UEVLD: variants seen among roughly 807,000 people sequenced by gnomAD.
UEVLD encodes the protein UEV and lactate/malate dehyrogenase domains.
Under a neutral mutation model 58.6 loss-of-function variants are expected in UEVLD, and 47 were observed. The ratio of observed to expected loss-of-function variants is 0.80; its 90% CI spans 0.63 to 1.02. The LOEUF is 1.02. Among genes scored for constraint, UEVLD ranks in the 50% least tolerant of loss-of-function variants. UEVLD has a pLI of 0.00. For missense variants in UEVLD, 510 were observed against 550.6 expected (o/e 0.93, Z 0.74); for synonymous variants, 197 against 195.3 (o/e 1.01, Z -0.07).
At chr11:18,583,209 CCATTGTGCCCAGCT>C (rs1321556981) in intron 1 of UEVLD, among the ~76,000 whole-genome samples, 1 of 137,556 alleles carries the variant, frequency 7.3e-6, no homozygotes, top group Non-Finnish European at 1.5e-5. Context: ...CAGGCGTGAG[CCATTGTGCCCAGCT>C]TTTTTTTTTT....
intron 1 of UEVLD, among the ~76,000 whole-genome samples, chr11:18,584,183 C>T (rs1853416335): frequency 6.6e-6 from 1 of 152,038 alleles, no homozygotes; most frequent in Admixed American, 6.6e-5. Flanking sequence ...GTTTTGAGAC[C>T]AGCCTGGGCA....
At chr11:18,583,370 G>A (rs913889901) in intron 1 of UEVLD, among the ~76,000 whole-genome samples, 11 of 150,938 alleles carry the variant, frequency 7.3e-5, no homozygotes, top group East Asian at 2.0e-4. Flanking sequence ...ACAGGCACCC[G>A]CCACCATGTC....
At chr11:18,540,083 C>T (rs1850990592) in intron 9 of UEVLD, among the ~76,000 whole-genome samples, 1 of 152,152 alleles carries the variant, frequency 6.6e-6, no homozygotes, top group Non-Finnish European at 1.5e-5. Context: ...TGCTGTGTGC[C>T]AGATACTGTA....
intron 9 of UEVLD, among the ~76,000 whole-genome samples, chr11:18,537,556 C>T (rs1236175650): frequency 6.6e-6 from 1 of 151,570 alleles, no homozygotes; most frequent in Non-Finnish European, 1.5e-5. Context: ...GTCTCGAACT[C>T]CTGACCTCAG....
intron 1 of UEVLD, among the ~76,000 whole-genome samples, chr11:18,582,671 G>A (rs1378003096): frequency 6.6e-6 from 1 of 151,952 alleles, no homozygotes; most frequent in Non-Finnish European, 1.5e-5. Context: ...TATCTTCTTA[G>A]TGTAATATTA....
chr11:18,577,498 A>G (rs1852978432), intron 2 of UEVLD, among the ~76,000 whole-genome samples: 1 of 152,230 alleles, frequency 6.6e-6, no homozygotes, highest in Admixed American at 6.5e-5. Flanking sequence ...TACAGGAAAC[A>G]CTATCTCTGG....
chr11:18,573,840 C>T (rs999832654), intron 3 of UEVLD, among the ~76,000 whole-genome samples: 4 of 152,074 alleles, frequency 2.6e-5, no homozygotes, highest in African/African-American at 4.8e-5. Context: ...AAAAGAAGTC[C>T]CCGCAAATGC....
At chr11:18,562,074 G>A (rs936833062) in intron 6 of UEVLD, among the ~76,000 whole-genome samples, 14 of 152,144 alleles carry the variant, frequency 9.2e-5, no homozygotes, top group African/African-American at 3.1e-4. Context: ...AAATATTAAC[G>A]TCTAAAAAGA....
intron 7 of UEVLD, among the ~76,000 whole-genome samples, chr11:18,556,005 C>A (rs544752967): frequency 6.6e-6 from 1 of 152,210 alleles, no homozygotes; most frequent in Admixed American, 6.5e-5. Flanking sequence ...GAAAGTTACC[C>A]CAAGATGATA....
chr11:18,560,601 C>T (rs911166575), intron 6 of UEVLD, among the ~76,000 whole-genome samples: 8 of 152,078 alleles, frequency 5.3e-5, no homozygotes, highest in Non-Finnish European at 8.8e-5. Context: ...AACAACAAAA[C>T]GTTCATCAGT....
At chr11:18,576,570 T>G (rs957041750) in intron 2 of UEVLD, among the ~76,000 whole-genome samples, 3 of 151,940 alleles carry the variant, frequency 2.0e-5, no homozygotes, top group Non-Finnish European at 4.4e-5. Flanking sequence ...AAAATAAAAA[T>G]TATGGTTTAG....
At chr11:18,562,521 G>A (rs956536555) in intron 6 of UEVLD, among the ~76,000 whole-genome samples, 237 of 150,716 alleles carry the variant, frequency 1.6e-3, no homozygotes, top group African/African-American at 5.3e-3. Flanking sequence ...CAGCCTGGGA[G>A]ACACAGCGAG....
Position 18,544,145 on chromosome 11 carries a change from T to C in UEVLD, c.1060+478A>G, listed in dbSNP as rs143881401. Among the ~76,000 whole-genome samples the C allele has an allele frequency of 3.0e-3, 458 of 152,292 alleles. 3 individuals are homozygous for C. Among genetic ancestry groups the C allele is most frequent in the African/African-American group, 0.01 (423 of 41,552 alleles). Reference sequence around the variant, plus strand: ...TAACCTTAAACTTACAGAAAAGTAATTACAACGAGAATGACACATATGAGG... The same window carrying C: ...TAACCTTAAACTTACAGAAAAGTAACTACAACGAGAATGACACATATGAGG... On this transcript the variant is annotated intron_variant, in intron 9 of 11. Coordinates refer to ENST00000396197, the MANE Select transcript of UEVLD (RefSeq NM_001040697.4).
chr11:18,544,737 C>T lies in UEVLD; in HGVS notation c.946G>A (p.Gly316Arg), dbSNP rs752902853. The T allele has an allele frequency of 1.1e-5, 18 of 1,571,550 alleles. No homozygotes were observed. Among genetic ancestry groups the T allele is most frequent in the African/African-American group, 1.1e-4 (8 of 71,822 alleles). Residue 316 changes from glycine (G) to arginine (R), a missense_variant, in exon 9 of 12, where the codon GGA becomes AGA. Transcript: ENST00000396197. ...TGTGAATCCAGATTACATCCAATTCCGATCACTCGATTTGCAGGAAATGTA... is the reference window on the plus strand; with the variant it reads ...TGTGAATCCAGATTACATCCAATTCTGATCACTCGATTTGCAGGAAATGTA... ...LSTFPANRVI[G>R]IGCNLDSQRL...
intron 1 of UEVLD, among the ~76,000 whole-genome samples, chr11:18,580,825 G>C (rs1206902649): frequency 6.6e-6 from 1 of 152,080 alleles, no homozygotes; most frequent in Non-Finnish European, 1.5e-5. Flanking sequence ...ATTGCTAGTG[G>C]ATCCTGTTTC....
At chr11:18,532,611 T>C (rs1850615526) in intron 11 of UEVLD, 124 bp from the exon 12 acceptor site, 1 of 702,016 alleles carries the variant, frequency 1.4e-6, no homozygotes, top group South Asian at 3.0e-5. Context: ...AAAAAAATTT[T>C]TTTGTTCATT....
intron 1 of UEVLD, among the ~76,000 whole-genome samples, chr11:18,585,719 CCT>C (rs1853516267): frequency 6.6e-6 from 1 of 151,764 alleles, no homozygotes; most frequent in Non-Finnish European, 1.5e-5. Context: ...CTCACTGCAA[CCT>C]CTGTCTCCTG....
chr11:18,562,708 C>G (rs1317867969), intron 6 of UEVLD, among the ~76,000 whole-genome samples: 1 of 151,438 alleles, frequency 6.6e-6, no homozygotes, highest in Non-Finnish European at 1.5e-5. Flanking sequence ...AAATTTTCCA[C>G]CCAGACAATT....
chr11:18,568,769 A>G (rs1852430094), intron 4 of UEVLD, among the ~76,000 whole-genome samples: 1 of 152,184 alleles, frequency 6.6e-6, no homozygotes. Flanking sequence ...TGCATCTACA[A>G]TTATACACCT....
Sources: gnomAD v4.1 joint callset for allele counts (sites outside exome capture counted in the v4.1 genomes callset) on GRCh38, gnomAD v4.1.1 for gene constraint, MANE v1.5 for transcripts, NCBI Gene and HGNC (gene_info 2026-07-23, HGNC 2026-07-21) for gene names.